Variants in FGFR2 observed in about 807,000 individuals in gnomAD.
The protein encoded by FGFR2 is fibroblast growth factor receptor 2.
A neutral mutation model predicts 95.9 loss-of-function variants in FGFR2; 19 were observed. The ratio of observed to expected loss-of-function variants is 0.20; its 90% CI spans 0.14 to 0.29. The LOEUF is 0.29. Among genes scored for constraint, FGFR2 ranks in the 10% least tolerant of loss-of-function variants. The pLI is 1.00. For synonymous variants in FGFR2, 392 were observed against 393.3 expected, an observed-to-expected ratio of 1.00 and a Z score of 0.04; for missense variants, 707 against 1,056.9, an observed-to-expected ratio of 0.67 and a Z score of 4.59.
Position 121,593,899 on chromosome 10 carries a change from G to A in FGFR2, c.-82C>T, listed in dbSNP as rs778082131. On this transcript the variant is annotated 5_prime_UTR_variant, in exon 2 of 18. Transcript: ENST00000358487. Reference sequence around the variant, plus strand: ...TCTGCACACTTCCTCTACGGGCATGGACTACGCGCAATGCCTTCAGCCTGC... The same window carrying A: ...TCTGCACACTTCCTCTACGGGCATGAACTACGCGCAATGCCTTCAGCCTGC... The A allele has an allele frequency of 1.8e-5, 24 of 1,317,350 alleles. No homozygotes were observed. Among genetic ancestry groups the A allele is most frequent in the Non-Finnish European group, 2.3e-5 (21 of 912,140 alleles). 81.6% of individuals were successfully genotyped at this position (1,317,350 alleles called of 1,614,324 possible). A position where few individuals can be genotyped will look rare whatever the true frequency, so the allele number is the denominator to read the frequency against.
At chr10:121,510,774 CTTGATTTATT>C (rs943678254) in intron 9 of FGFR2, among the ~76,000 whole-genome samples, 1 of 110,126 alleles carries the variant, frequency 9.1e-6, no homozygotes, top group African/African-American at 4.3e-5. Context: ...CTTCACTGCC[CTTGATTTATT>C]TTATTTTATT....
intron 5 of FGFR2, among the ~76,000 whole-genome samples, chr10:121,539,243 G>A (rs566517169): frequency 6.6e-6 from 1 of 152,338 alleles, no homozygotes; most frequent in Admixed American, 6.5e-5. Flanking sequence ...TTGTCTGGAT[G>A]TCTCAAGAAG....
At position 121,483,728 on chromosome 10, in the gene FGFR2, C is replaced by A. The variant is rs1589707913; in HGVS notation, c.2271G>T (p.Leu757Phe). 6.2e-7 allele frequency: 1 copy of A among 1,613,976 alleles called. No individual in the cohort carries two copies. Among genetic ancestry groups the A allele is most frequent in the South Asian group, 1.1e-5 (1 of 90,984 alleles). The change falls in exon 17 of 18, where the codon TTG becomes TTT. Residue 757 changes from leucine to phenylalanine, a missense_variant. By Grantham distance (22) the Leu-to-Phe change is conservative (BLOSUM62 0). Transcript: ENST00000358487. ...RPTFKQLVED[L>F]DRILTLTTNE... ...TGGTTGTGAGAGTGAGAATTCGATC[C>A]AAGTCTTCTACCAACTGCTTGAACG...
rs2981448 is a variant in FGFR2, at chr10:121,520,231, C to T, written c.749-62G>A. On this transcript the variant is annotated intron_variant, in intron 6 of 17. Coordinates refer to ENST00000358487, the MANE Select transcript of FGFR2 (RefSeq NM_000141.5). ...GGAGAATGAGAGACCAATAAATAAG[C>T]TGTGTTGTCCAGAGGGCTGTCAGTG... 1,495,085 of 1,525,644 alleles carry T rather than the reference C, an allele frequency of 0.98. 736,986 individuals carry two copies. The highest frequency in any genetic ancestry group is 1 in the East Asian group (41,808 of 41,810). 94.5% of individuals were successfully genotyped at this position (1,525,644 alleles called of 1,614,324 possible).
Position 121,479,552 on chromosome 10 carries a change from G to A in FGFR2, c.*305C>T, listed in dbSNP as rs747630815. 5.3e-6 allele frequency: 8 copies of A among 1,516,040 alleles called. No homozygotes were observed. In the South Asian group the frequency reaches 8.7e-5, roughly 16 times the overall value. The allele number at this position is 1,516,040 out of a possible 1,614,324, so 93.9% of individuals were successfully genotyped here. On this transcript the variant is annotated 3_prime_UTR_variant, in exon 18 of 18. Transcript: ENST00000358487. ...CTCCAATTATTACAAAATTAACAAG[G>A]AAGGCAGAACGCACGTCCACCTTGA...
chr10:121,594,222 G>C, intron 1 of FGFR2: 1 of 407,954 alleles, frequency 2.5e-6, no homozygotes, highest in Non-Finnish European at 4.5e-6. Context: ...ACAGGACTCA[G>C]ATACGTGCAG....
intron 4 of FGFR2, 134 bp from the exon 5 acceptor site, chr10:121,551,593 C>T: frequency 1.2e-6 from 1 of 839,116 alleles, no homozygotes; most frequent in Admixed American, 2.6e-5. Flanking sequence ...GTAATATTTA[C>T]ATTTGGAAAA....
intron 9 of FGFR2, among the ~76,000 whole-genome samples, chr10:121,507,486 G>A (rs1478957886): frequency 5.3e-5 from 8 of 152,284 alleles, no homozygotes; most frequent in South Asian, 2.1e-4. Context: ...TACTGGGGAG[G>A]CTGAGGCAGG....
chr10:121,543,425 G>A (rs962746887), intron 5 of FGFR2, among the ~76,000 whole-genome samples: 7 of 152,136 alleles, frequency 4.6e-5, no homozygotes, highest in Admixed American at 1.3e-4. Context: ...CAAGAGAATC[G>A]CTTGAACCCG....
In FGFR2 at chr10:121,479,884, T is replaced by C. The variant is rs1468744769; in HGVS notation, c.2439A>G (p.Pro813=). 6.2e-7 allele frequency: 1 copy of C among 1,614,174 alleles called. No individual in the cohort carries two copies. Among genetic ancestry groups the C allele is most frequent in the Non-Finnish European group, 8.5e-7 (1 of 1,180,024 alleles). Residue 813 remains proline (P), a synonymous_variant, in exon 18 of 18, where the codon CCA becomes CCG. Transcript: ENST00000358487. ...ATGTTTTAACACTGCCGTTTATGTG[T>C]GGATACTGAGGAAGGCATGGTTCGT... The part of the protein sequence containing the change: ...MPYEPCLPQY[P]HINGSVKT
chr10:121,595,584 C>T (rs1005917544), intron 1 of FGFR2, among the ~76,000 whole-genome samples: 8 of 152,334 alleles, frequency 5.3e-5, no homozygotes, highest in African/African-American at 1.9e-4. Flanking sequence ...TAGTCAAGAG[C>T]CTCAGAAGAT....
intron 2 of FGFR2, among the ~76,000 whole-genome samples, chr10:121,574,139 T>G (rs1414026796): frequency 1.3e-5 from 2 of 152,152 alleles, no homozygotes; most frequent in Admixed American, 1.3e-4. Flanking sequence ...GAAGAGAGAT[T>G]TCTGCAAGAT....
At chr10:121,556,389 A>G in intron 4 of FGFR2, among the ~76,000 whole-genome samples, 1 of 123,488 alleles carries the variant, frequency 8.1e-6, no homozygotes, top group East Asian at 2.4e-4. Context: ...CCTAAGGTTT[A>G]TAATCTACTC....
rs1863748794 is a variant in FGFR2 at position 121,598,390 on chromosome 10, T to A, written c.-579A>T. On this transcript the variant is annotated 5_prime_UTR_variant, in exon 1 of 18. Transcript: ENST00000358487. ...CGAGCTTTGTGGCGGCCGCGCGCGCTCCCTCGCCCGCTCCGCACCCGCCGC... is the reference window on the plus strand; with the variant it reads ...CGAGCTTTGTGGCGGCCGCGCGCGCACCCTCGCCCGCTCCGCACCCGCCGC... 2 of 158,128 alleles carry A rather than the reference T, an allele frequency of 1.3e-5. No individual in the cohort carries two copies. Among genetic ancestry groups the A allele is most frequent in the African/African-American group, 4.9e-5 (2 of 40,722 alleles). 9.8% of individuals were successfully genotyped at this position (158,128 alleles called of 1,614,324 possible). A position where few individuals can be genotyped will look rare whatever the true frequency, so the allele number is the denominator to read the frequency against.
intron 2 of FGFR2, among the ~76,000 whole-genome samples, chr10:121,588,181 G>GTT (rs1435554003): frequency 4.6e-5 from 7 of 152,136 alleles, no homozygotes; most frequent in African/African-American, 1.2e-4. Flanking sequence ...ATAAGTGGGA[G>GTT]CTAAATGATG....
rs529549050 is a variant in FGFR2, at chr10:121,578,385, C to G, written c.110-12681G>C. ...AGGCTCCTATTCAGCCCAGTTCCAA[C>G]AGCTCCTCCGTGAAAATCCCGATTC... On this transcript the variant is annotated intron_variant, in intron 2 of 17. Coordinates refer to ENST00000358487, the MANE Select transcript of FGFR2 (RefSeq NM_000141.5). Among the ~76,000 whole-genome samples the G allele has an allele frequency of 3.7e-4, 56 of 152,324 alleles. 1 individual carries two copies. The highest frequency in any genetic ancestry group is 3.6e-3 in the Admixed American group (55 of 15,296).
At chr10:121,495,121 G>T (rs1383991404) in intron 13 of FGFR2, among the ~76,000 whole-genome samples, 1 of 152,086 alleles carries the variant, frequency 6.6e-6, no homozygotes, top group Non-Finnish European at 1.5e-5. Flanking sequence ...GTTGTCTCTG[G>T]ATGCCAAATA....
chr10:121,560,837 G>C (rs1485817625), intron 4 of FGFR2, among the ~76,000 whole-genome samples: 1 of 152,038 alleles, frequency 6.6e-6, no homozygotes, highest in African/African-American at 2.4e-5. Context: ...AGTGGTTCTC[G>C]CATTTCAGTG....
chr10:121,563,197 A>G (rs144283973), intron 4 of FGFR2, among the ~76,000 whole-genome samples: 3,248 of 152,266 alleles, frequency 0.021, 126 homozygotes, highest in African/African-American at 0.074. Flanking sequence ...AACATGGTGA[A>G]ACCCCATCTC....
Sources: gnomAD v4.1 joint callset for allele counts (sites outside exome capture counted in the v4.1 genomes callset) on GRCh38, gnomAD v4.1.1 for gene constraint, MANE v1.5 for transcripts, NCBI Gene and HGNC (gene_info 2026-07-23, HGNC 2026-07-21) for gene names.